The following PCDHGA2 variants were observed in gnomAD, a reference collection of about 807,000 sequenced individuals.
PCDHGA2 encodes the protein protocadherin gamma subfamily A, 2.
In PCDHGA2, 40 loss-of-function variants were observed where a neutral mutation model predicts 59.2. The observed-to-expected ratio is 0.68, with a 90% CI of 0.52 to 0.88. PCDHGA2 has a LOEUF of 0.88. Ranked by LOEUF, PCDHGA2 falls within the 40% of genes least tolerant of loss-of-function variation. The probability of loss-of-function intolerance (pLI) is 0.00; values close to 1 mark genes in which losing one functional copy is unlikely to be tolerated. For missense variants in PCDHGA2, 1,226 were observed against 1,204.0 expected, an observed-to-expected ratio of 1.02 and a Z score of -0.27; for synonymous variants, 560 against 526.0, an observed-to-expected ratio of 1.06 and a Z score of -0.89.
At chr5:141,415,696 G>C (rs867312295) in intron 1 of PCDHGA2, 12 of 1,397,434 alleles carry the variant, frequency 8.6e-6, no homozygotes, top group Non-Finnish European at 1.1e-5. Flanking sequence ...GGTGGAAAGT[G>C]TAAATGCTAA....
chr5:141,399,527 T>A (rs781680585), intron 1 of PCDHGA2: 2 of 1,614,016 alleles, frequency 1.2e-6, no homozygotes, highest in East Asian at 2.2e-5. Context: ...GGGGCCTCCA[T>A]CGCGCAAGTC....
intron 1 of PCDHGA2, chr5:141,390,193 A>G (rs1189352664): frequency 6.2e-7 from 1 of 1,614,060 alleles, no homozygotes; most frequent in African/African-American, 1.3e-5. Context: ...TGTAGTGAGC[A>G]GTTGAGTTCA....
intron 1 of PCDHGA2, chr5:141,408,920 C>T (rs772932702): frequency 1.9e-6 from 3 of 1,613,506 alleles, no homozygotes; most frequent in Admixed American, 1.7e-5. Context: ...TGATAACCCC[C>T]CGGTTTTCAG....
intron 1 of PCDHGA2, among the ~76,000 whole-genome samples, chr5:141,453,492 G>T (rs1046043468): frequency 6.6e-6 from 1 of 152,000 alleles, no homozygotes; most frequent in Non-Finnish European, 1.5e-5. Flanking sequence ...AAAAAAAGGT[G>T]TACTCAGAAA....
intron 1 of PCDHGA2, chr5:141,345,462 C>A: frequency 1.2e-6 from 2 of 1,614,144 alleles, no homozygotes; most frequent in Non-Finnish European, 1.7e-6. Flanking sequence ...AGTGACAGCC[C>A]AGGACCCAGA....
chr5:141,432,503 G>T lies in PCDHGA2; in HGVS notation c.2425-62304G>T, dbSNP rs939325676. 8.7e-6 allele frequency: 14 copies of T among 1,613,988 alleles called. No homozygotes were observed. The highest frequency in any genetic ancestry group is 1.3e-5 in the African/African-American group (1 of 74,930). ...TGGCGTGGAGCTGGCTCCCCGCTCC[G>T]CAGAGCCCGGCTACCTGGTGACCAA... On this transcript the variant is annotated intron_variant, in intron 1 of 3. Transcript: ENST00000394576. The surrounding 1 kb of genome is among the most constrained non-coding windows in gnomAD (Gnocchi z 6.0).
intron 2 of PCDHGA2, among the ~76,000 whole-genome samples, chr5:141,501,290 T>TAC (rs55762287): frequency 0.12 from 16,682 of 135,960 alleles, 995 homozygotes; most frequent in African/African-American, 0.18. Flanking sequence ...TATTCCCTTA[T>TAC]ACACACACAC....
chr5:141,442,149 T>C, intron 1 of PCDHGA2: 1 of 159,274 alleles, frequency 6.3e-6, no homozygotes, highest in Non-Finnish European at 1.4e-5. Flanking sequence ...CTGCCAGACC[T>C]CAGCGATCAC....
intron 1 of PCDHGA2, chr5:141,403,757 C>G (rs1326659106): frequency 6.2e-7 from 1 of 1,613,766 alleles, no homozygotes; most frequent in Non-Finnish European, 8.5e-7. Flanking sequence ...AGCCAGCGAC[C>G]TGGATGAGGG....
chr5:141,511,632 G>A lies in PCDHGA2; in HGVS notation c.*459G>A, dbSNP rs1388627906. The A allele has an allele frequency of 8.6e-6, 2 of 231,934 alleles. No homozygotes were observed. The highest frequency in any genetic ancestry group is 5.1e-5 in the Admixed American group (1 of 19,634). 14.4% of individuals were successfully genotyped at this position (231,934 alleles called of 1,614,324 possible). A position where few individuals can be genotyped will look rare whatever the true frequency, so the allele number is the denominator to read the frequency against. On this transcript the variant is annotated 3_prime_UTR_variant, in exon 4 of 4. Transcript: ENST00000394576. ...CCTCCTAGTTCTGAAAAGTTGGAAG[G>A]GCATCATGACCTCTTGGCCTCTCCT...
At chr5:141,415,824 CT>C (rs1412807947) in intron 1 of PCDHGA2, 8 of 1,306,364 alleles carry the variant, frequency 6.1e-6, no homozygotes, top group Non-Finnish European at 7.8e-6. Flanking sequence ...TATCATAAGG[CT>C]TTGTTATGAT....
At chr5:141,497,595 A>C (rs973413640) in intron 2 of PCDHGA2, among the ~76,000 whole-genome samples, 1 of 147,414 alleles carries the variant, frequency 6.8e-6, no homozygotes, top group East Asian at 2.0e-4. Context: ...GCTGGAGTGC[A>C]GTGGTGCGAT....
At chr5:141,345,873 C>T (rs776389282) in intron 1 of PCDHGA2, 3 of 1,613,462 alleles carry the variant, frequency 1.9e-6, no homozygotes, top group Non-Finnish European at 8.5e-7. Context: ...GGCCAGCGAG[C>T]CGGGACTCTT....
Position 141,404,436 on chromosome 5 carries a change from C to T in PCDHGA2, c.2424+63041C>T. On this transcript the variant is annotated intron_variant, in intron 1 of 3. Transcript: ENST00000394576. Reference sequence around the variant, plus strand: ...GTTATTTACTCCTTGGCAGAGGATACCATCCAAGGGTCTCCTCTCTCCACC... The same window carrying T: ...GTTATTTACTCCTTGGCAGAGGATATCATCCAAGGGTCTCCTCTCTCCACC... 1.9e-6 allele frequency: 3 copies of T among 1,612,706 alleles called. No individual in the cohort carries two copies. In the East Asian group the frequency reaches 6.7e-5, roughly 36 times the overall value.
intron 1 of PCDHGA2, among the ~76,000 whole-genome samples, chr5:141,462,574 C>T (rs1308899602): frequency 2.0e-5 from 3 of 152,036 alleles, no homozygotes; most frequent in Non-Finnish European, 4.4e-5. Context: ...TTGCTAATCC[C>T]ATCCAGTGAA....
rs2099687792 is a variant in PCDHGA2, at chr5:141,489,485, G to GT, written c.2425-5321dup. Reference sequence around the variant, plus strand: ...TATTTTTCCCTGAGCTTGATGAGTGGTGCCCTGGCAGTGAATCAAAAGATT... The same window carrying GT: ...TATTTTTCCCTGAGCTTGATGAGTGGTTGCCCTGGCAGTGAATCAAAAGATT... On this transcript the variant is annotated intron_variant, in intron 1 of 3. Coordinates refer to ENST00000394576, the MANE Select transcript of PCDHGA2 (RefSeq NM_018915.4). This position sits in a 1 kb window ranked among gnomAD's most constrained non-coding sequence, Gnocchi z 4.5. The GT allele has an allele frequency of 6.2e-7, 1 of 1,614,088 alleles. No individual in the cohort carries two copies. The highest frequency in any genetic ancestry group is 2.2e-5 in the East Asian group (1 of 44,868).
chr5:141,362,123 T>C (rs1762339716), intron 1 of PCDHGA2: 1 of 1,613,882 alleles, frequency 6.2e-7, no homozygotes, highest in African/African-American at 1.3e-5. Flanking sequence ...CTGCACCTAA[T>C]CTTCGCGGAT....
intron 1 of PCDHGA2, chr5:141,370,513 AGCTGGACAGGGGCTC>A (rs768998364): frequency 2.8e-5 from 45 of 1,613,894 alleles, no homozygotes; most frequent in Non-Finnish European, 3.6e-5. Context: ...ATTCCCGAGG[AGCTGGACAGGGGCTC>A]GCTGGTAGGG....
At chr5:141,369,589 A>C (rs1339057936) in intron 1 of PCDHGA2, among the ~76,000 whole-genome samples, 4 of 152,238 alleles carry the variant, frequency 2.6e-5, no homozygotes, top group Non-Finnish European at 5.9e-5. Flanking sequence ...GCTTTTTACT[A>C]TACTTCTATT....
Sources: allele counts gnomAD v4.1 joint callset (sites outside exome capture counted in the v4.1 genomes callset), GRCh38; gene constraint gnomAD v4.1.1; non-coding constraint Gnocchi (gnomAD v3.1); transcripts MANE v1.5; gene names NCBI Gene and HGNC (gene_info 2026-07-23, HGNC 2026-07-21).